The following GLCE variants were observed in gnomAD, a reference collection of about 807,000 sequenced individuals.
GLCE encodes D-glucuronyl C5-epimerase.
In GLCE, 19 loss-of-function variants were observed where a neutral mutation model predicts 47.9. The ratio of observed to expected loss-of-function variants is 0.40; its 90% CI spans 0.28 to 0.58. The LOEUF (loss-of-function observed/expected upper bound fraction) is 0.58. GLCE is among the 20% of genes least tolerant of loss of function. GLCE has a pLI of 0.48. For missense variants in GLCE, 556 were observed against 743.3 expected, an observed-to-expected ratio of 0.75 and a Z score of 2.93; for synonymous variants, 245 against 263.4, an observed-to-expected ratio of 0.93 and a Z score of 0.68.
chr15:69,250,629 G>A (rs4776437), intron 2 of GLCE, among the ~76,000 whole-genome samples: 104,989 of 151,316 alleles, frequency 0.69, 37,473 homozygotes, highest in Admixed American at 0.77. Context: ...GGGCTGGTTC[G>A]TCCCTCCTTA....
chr15:69,180,553 C>T (rs1057365080), intron 1 of GLCE, among the ~76,000 whole-genome samples: 7 of 152,144 alleles, frequency 4.6e-5, no homozygotes. Flanking sequence ...TGAAGACAGT[C>T]AGTGAAGGAG....
intron 2 of GLCE, among the ~76,000 whole-genome samples, chr15:69,255,573 C>G (rs900794204): frequency 1.3e-5 from 2 of 152,116 alleles, no homozygotes; most frequent in East Asian, 3.9e-4. Context: ...TTGAACATCT[C>G]TGCTTTAGAA....
intron 2 of GLCE, among the ~76,000 whole-genome samples, chr15:69,217,049 CAT>C (rs1255373228): frequency 6.6e-6 from 1 of 152,096 alleles, no homozygotes; most frequent in Admixed American, 6.5e-5. Flanking sequence ...AGTGTGATCA[CAT>C]GACTGATATT....
At chr15:69,193,086 C>T (rs1253585696) in intron 1 of GLCE, among the ~76,000 whole-genome samples, 2 of 151,862 alleles carry the variant, frequency 1.3e-5, no homozygotes, top group Non-Finnish European at 2.9e-5. Context: ...CCCCCTCCCC[C>T]TCCCCCTGAA....
At chr15:69,268,008 C>G (rs1007704280) in intron 4 of GLCE, among the ~76,000 whole-genome samples, 2 of 152,062 alleles carry the variant, frequency 1.3e-5, no homozygotes, top group African/African-American at 4.8e-5. Context: ...AGAGCTTTGG[C>G]CTGATGCTCA....
At chr15:69,177,408 ATATCACCATTTTT>A (rs2051683917) in intron 1 of GLCE, among the ~76,000 whole-genome samples, 1 of 152,088 alleles carries the variant, frequency 6.6e-6, no homozygotes, top group African/African-American at 2.4e-5. Context: ...TAAACAGGAG[ATATCACCATTTTT>A]TGATAATTTT....
chr15:69,229,698 C>T (rs1229234360), intron 2 of GLCE, among the ~76,000 whole-genome samples: 1 of 150,010 alleles, frequency 6.7e-6, no homozygotes, highest in African/African-American at 2.5e-5. Flanking sequence ...AAATTACTTA[C>T]CCAACAATGA....
At chr15:69,223,530 T>G (rs1274121640) in intron 2 of GLCE, among the ~76,000 whole-genome samples, 1 of 152,214 alleles carries the variant, frequency 6.6e-6, no homozygotes, top group Non-Finnish European at 1.5e-5. Flanking sequence ...TTCGATAGTT[T>G]CATTATACTA....
chr15:69,196,438 A>G (rs112147436), intron 1 of GLCE: 762 of 160,124 alleles, frequency 4.8e-3, no homozygotes, highest in Non-Finnish European at 7.3e-3. Flanking sequence ...TGTTAGACAA[A>G]AAGCAAATTC....
chr15:69,207,840 T>TG (rs1217099936), intron 1 of GLCE, among the ~76,000 whole-genome samples: 1 of 152,082 alleles, frequency 6.6e-6, no homozygotes, highest in African/African-American at 2.4e-5. Context: ...TTCAGGTGGT[T>TG]GTGCCATTTT....
intron 2 of GLCE, among the ~76,000 whole-genome samples, chr15:69,223,135 A>G (rs2052399875): frequency 6.6e-6 from 1 of 152,184 alleles, no homozygotes; most frequent in Non-Finnish European, 1.5e-5. Context: ...CAACAATAGT[A>G]GGTTTTATGA....
chr15:69,171,492 G>A (rs989353103), intron 1 of GLCE, among the ~76,000 whole-genome samples: 8 of 151,926 alleles, frequency 5.3e-5, no homozygotes, highest in Non-Finnish European at 1.0e-4. Flanking sequence ...GGCCTCCCAG[G>A]TTCAAGCAAT....
chr15:69,250,531 A>G (rs1338276533), intron 2 of GLCE, among the ~76,000 whole-genome samples: 1 of 151,970 alleles, frequency 6.6e-6, no homozygotes, highest in Non-Finnish European at 1.5e-5. Context: ...TTTAAGAGAC[A>G]GGATCTCGCT....
chr15:69,251,681 A>G (rs566196857), intron 2 of GLCE, among the ~76,000 whole-genome samples: 1 of 152,266 alleles, frequency 6.6e-6, no homozygotes, highest in Non-Finnish European at 1.5e-5. Flanking sequence ...AGCTTAGAAG[A>G]TTAGGTAAGT....
rs183092343 is a variant in GLCE, at chr15:69,191,146, G to A, written c.-104-19170G>A. Among the ~76,000 whole-genome samples, 368 of 152,104 alleles carry A rather than the reference G, an allele frequency of 2.4e-3. 3 individuals carry two copies. Among genetic ancestry groups the A allele is most frequent in the African/African-American group, 8.6e-3 (355 of 41,504 alleles). ...TAGTTACCCACATATTTACTCCACTGTACCTCATGTCTTTGTATGGTTCCA... is the reference window on the plus strand; with the variant it reads ...TAGTTACCCACATATTTACTCCACTATACCTCATGTCTTTGTATGGTTCCA... On this transcript the variant is annotated intron_variant, in intron 1 of 4. Transcript: ENST00000261858.
chr15:69,241,724 G>T (rs1219433898), intron 2 of GLCE, among the ~76,000 whole-genome samples: 1 of 152,160 alleles, frequency 6.6e-6, no homozygotes, highest in African/African-American at 2.4e-5. Context: ...TAGAAAAGCA[G>T]GTTTTTAGGT....
intron 1 of GLCE, among the ~76,000 whole-genome samples, chr15:69,162,653 C>G (rs1407926667): frequency 6.6e-6 from 1 of 152,174 alleles, no homozygotes; most frequent in Non-Finnish European, 1.5e-5. Context: ...ACCTCCAAAG[C>G]TCAAGCAGCC....
chr15:69,197,418 TA>T (rs1566953296), intron 1 of GLCE: 2 of 201,072 alleles, frequency 9.9e-6, no homozygotes, highest in African/African-American at 4.6e-5. Flanking sequence ...GTGTTGATTG[TA>T]ATGTTTCCTA....
At chr15:69,239,403 C>G (rs952376349) in intron 2 of GLCE, among the ~76,000 whole-genome samples, 13 of 152,100 alleles carry the variant, frequency 8.5e-5, no homozygotes, top group African/African-American at 2.7e-4. Context: ...ATATATGCTC[C>G]AGACTGCCTA....
Sources: allele counts gnomAD v4.1 joint callset (sites outside exome capture counted in the v4.1 genomes callset), GRCh38; gene constraint gnomAD v4.1.1; transcripts MANE v1.5; gene names NCBI Gene and HGNC (gene_info 2026-07-23, HGNC 2026-07-21).